Variants in VWA3A observed in about 807,000 individuals in gnomAD.
VWA3A encodes the protein von Willebrand factor A domain containing 3A.
VWA3A carries 134 observed loss-of-function variants against 160.4 expected under a neutral mutation model. The ratio of observed to expected loss-of-function variants is 0.84; its 90% CI spans 0.73 to 0.96. The LOEUF (loss-of-function observed/expected upper bound fraction) is 0.96. Ranked by LOEUF, VWA3A falls within the 40% of genes least tolerant of loss-of-function variation. The pLI, the probability that VWA3A is intolerant of heterozygous loss-of-function variation, is 0.00. For missense variants in VWA3A, 1,310 were observed against 1,447.9 expected, an observed-to-expected ratio of 0.90 and a Z score of 1.55; for synonymous variants, 476 against 543.4, an observed-to-expected ratio of 0.88 and a Z score of 1.72.
rs2045439016 is a variant in VWA3A, at chr16:22,103,508, G to T, written c.462G>T (p.Trp154Cys). The T allele has an allele frequency of 3.2e-6, 5 of 1,551,708 alleles. No homozygotes were observed. Among genetic ancestry groups the T allele is most frequent in the Non-Finnish European group, 3.5e-6 (4 of 1,146,998 alleles). The change falls in exon 6 of 34, where the codon TGG becomes TGT. Residue 154 changes from tryptophan to cysteine, a missense_variant. Physicochemically the swap from Trp to Cys is radical, Grantham distance 215. Coordinates refer to ENST00000389398, the MANE Select transcript of VWA3A (RefSeq NM_173615.5). ...AAGTCTATCAAGAGAGAATTCAGTG[G>T]CTCACAGAAAACAGCAAGAAGGTAA... ...TIEVYQERIQ[W>C]LTENSKKAFG...
At chr16:22,129,041 A>G (rs563817966) in intron 17 of VWA3A, among the ~76,000 whole-genome samples, 2 of 152,228 alleles carry the variant, frequency 1.3e-5, no homozygotes, top group African/African-American at 4.8e-5. Context: ...GAGTTTACCT[A>G]TATAACAAAC....
intron 1 of VWA3A, among the ~76,000 whole-genome samples, chr16:22,093,885 C>T (rs1901431940): frequency 6.6e-6 from 1 of 152,104 alleles, no homozygotes; most frequent in South Asian, 2.1e-4. Flanking sequence ...CCACCCCATC[C>T]TCCCTAGTAG....
intron 3 of VWA3A, 32 bp from the exon 4 acceptor site, chr16:22,100,162 T>A (rs1273506578): frequency 3.9e-6 from 6 of 1,519,144 alleles, no homozygotes; most frequent in Non-Finnish European, 5.3e-6. Flanking sequence ...CTCTTTCCAC[T>A]TCACGGTTTG....
Position 22,148,173 on chromosome 16 carries a change from C to G in VWA3A, c.2851C>G (p.Leu951Val). Reference protein sequence around the residue: ...LQWLLSGSRRLFGTVLESKVC... With the variant: ...LQWLLSGSRRVFGTVLESKVC... ...CTGTCTCGGAGCAGGGAGCCGCCGACTGTTTGGCACCGTTTTGGAGAGCAA... is the reference window on the plus strand; with the variant it reads ...CTGTCTCGGAGCAGGGAGCCGCCGAGTGTTTGGCACCGTTTTGGAGAGCAA... The change falls in exon 28 of 34, where the codon CTG (leucine) becomes GTG (valine). Residue 951 changes from leucine to valine, a missense_variant. Leu to Val is a conservative substitution (Grantham distance 32). Coordinates refer to ENST00000389398, the MANE Select transcript of VWA3A (RefSeq NM_173615.5). 6.2e-7 allele frequency: 1 copy of G among 1,601,772 alleles called. No individual in the cohort carries two copies. The highest frequency in any genetic ancestry group is 8.5e-7 in the Non-Finnish European group (1 of 1,174,364).
rs1567203063 is a variant in VWA3A at position 22,115,925 on chromosome 16, A to AAGGAAGGAAGGAAGGAAG, written c.815+453_815+454insAGGAAGGAAGGAAGGAAG. Among the ~76,000 whole-genome samples, 63 of 18,454 alleles carry AAGGAAGGAAGGAAGGAAG rather than the reference A, an allele frequency of 3.4e-3. 2 individuals carry two copies. Among genetic ancestry groups the AAGGAAGGAAGGAAGGAAG allele is most frequent in the South Asian group, 0.018 (3 of 170 alleles). 12.1% of individuals were successfully genotyped at this position (18,454 alleles called of 152,430 possible). ...AGGAAGGAAGGAAGGAAGGAAGGAA[A>AAGGAAGGAAGGAAGGAAG]GGAAAGGAAAGGAAGGGAGGAGGGG... On this transcript the variant is annotated intron_variant, in intron 9 of 33. Transcript: ENST00000389398.
chr16:22,123,653 T>C lies in VWA3A; in HGVS notation c.1478T>C (p.Ile493Thr). ...GCTATGCGGATGTATGAGAGGCGGATTGAGTGGCTCTCCCTGGCCAGCAGA... is the reference window on the plus strand; with the variant it reads ...GCTATGCGGATGTATGAGAGGCGGACTGAGTGGCTCTCCCTGGCCAGCAGA... ...SRAMRMYERRIEWLSLASRRI... is the reference protein window; with the variant it reads ...SRAMRMYERRTEWLSLASRRI... The change falls in exon 16 of 34, where the codon ATT (isoleucine) becomes ACT (threonine). Residue 493 changes from isoleucine (I) to threonine (T), a missense_variant. Physicochemically the swap from Ile to Thr is moderately conservative, Grantham distance 89 (BLOSUM62 -1). Coordinates refer to ENST00000389398, the MANE Select transcript of VWA3A (RefSeq NM_173615.5). 6.2e-7 allele frequency: 1 copy of C among 1,613,958 alleles called. No homozygotes were observed. The highest frequency in any genetic ancestry group is 8.5e-7 in the Non-Finnish European group (1 of 1,179,868).
In VWA3A at chr16:22,150,711, A is replaced by G. The variant is rs374410136; in HGVS notation, c.3146A>G (p.His1049Arg). The G allele has an allele frequency of 1.2e-5, 20 of 1,609,686 alleles. No homozygotes were observed. The African/African-American group carries it at 2.4e-4, about 19-fold the overall frequency. The change falls in exon 30 of 34, where the codon CAT becomes CGT. Residue 1049 changes from histidine to arginine, a missense_variant. Coordinates refer to ENST00000389398, the MANE Select transcript of VWA3A (RefSeq NM_173615.5). Reference protein sequence around the residue: ...LQALLKAFSFHDLEGLYLLTD... With the variant: ...LQALLKAFSFRDLEGLYLLTD... ...TTCTTTCAGAAAGCTTTCAGTTTCC[A>G]TGATCTGGAAGGATTGTACCTCCTG...
intron 10 of VWA3A, 91 bp downstream of exon 10, chr16:22,116,958 G>A (rs1380237749): frequency 1.5e-5 from 22 of 1,430,898 alleles, no homozygotes; most frequent in East Asian, 1.4e-4. Context: ...ACAGGCCCCC[G>A]AGCTGTGGAC....
intron 1 of VWA3A, 125 bp from the exon 2 acceptor site, chr16:22,096,734 G>T (rs560983571): frequency 3.1e-6 from 2 of 646,948 alleles, no homozygotes; most frequent in South Asian, 1.9e-5. Context: ...AACTAAGTGA[G>T]ACCCTATCTC....
chr16:22,121,013 A>G lies in VWA3A; in HGVS notation c.1162A>G (p.Lys388Glu). Residue 388 changes from lysine (K) to glutamate (E), a missense_variant, in exon 13 of 34, where the codon AAA becomes GAA. Coordinates refer to ENST00000389398, the MANE Select transcript of VWA3A (RefSeq NM_173615.5). ...TGGGCCACTCATAAGCCTCTTGCCTAAACCCCCAAAGCATGACGCTCCTCT... is the reference window on the plus strand; with the variant it reads ...TGGGCCACTCATAAGCCTCTTGCCTGAACCCCCAAAGCATGACGCTCCTCT... Reference protein sequence around the residue: ...TNGPLISLLPKPPKHDAPLTI... With the variant: ...TNGPLISLLPEPPKHDAPLTI... 6.2e-7 allele frequency: 1 copy of G among 1,614,036 alleles called. No homozygotes were observed. Among genetic ancestry groups the G allele is most frequent in the Non-Finnish European group, 8.5e-7 (1 of 1,179,908 alleles).
chr16:22,118,013 G>T (rs1204716445), intron 11 of VWA3A, among the ~76,000 whole-genome samples: 1 of 152,220 alleles, frequency 6.6e-6, no homozygotes, highest in Non-Finnish European at 1.5e-5. Flanking sequence ...AGGCATGGTG[G>T]CTCATGCCTG....
At chr16:22,122,261 GTGGA>G (rs1188356482) in intron 14 of VWA3A, among the ~76,000 whole-genome samples, 33 of 145,450 alleles carry the variant, frequency 2.3e-4, no homozygotes, top group African/African-American at 6.2e-4. Context: ...GGATGGATGA[GTGGA>G]TGGATGGATG....
intron 18 of VWA3A, 55 bp downstream of exon 18, chr16:22,131,334 A>G: frequency 2.5e-6 from 4 of 1,589,272 alleles, no homozygotes; most frequent in East Asian, 2.2e-5. Context: ...GTTTGCAGGC[A>G]TTGTTTTCTC....
chr16:22,125,833 A>G (rs1185740706), intron 16 of VWA3A, among the ~76,000 whole-genome samples: 1 of 152,224 alleles, frequency 6.6e-6, no homozygotes, highest in Admixed American at 6.5e-5. Flanking sequence ...GGCAATATAC[A>G]TATATATTTT....
At chr16:22,110,804 A>T in intron 7 of VWA3A, 84 bp from the exon 8 acceptor site, 1 of 1,304,960 alleles carries the variant, frequency 7.7e-7, no homozygotes, top group Non-Finnish European at 1.1e-6. Context: ...CCCAGCCCAG[A>T]GGGGCCAGCA....
chr16:22,121,843 C>T (rs2045740509), intron 14 of VWA3A, among the ~76,000 whole-genome samples: 1 of 152,152 alleles, frequency 6.6e-6, no homozygotes, highest in Non-Finnish European at 1.5e-5. Context: ...CGGTCACCTC[C>T]TCCATGAAGG....
rs148345627 is a variant in VWA3A, at chr16:22,113,014, G to A, written c.689+2020G>A. On this transcript the variant is annotated intron_variant, in intron 8 of 33. Transcript: ENST00000389398. Reference sequence around the variant, plus strand: ...TGCCAGGTACTCAATGAACAAGAACGTTTTTTACTCTGATTTCCACTTTAG... The same window carrying A: ...TGCCAGGTACTCAATGAACAAGAACATTTTTTACTCTGATTTCCACTTTAG... 5.8e-3 allele frequency among the ~76,000 whole-genome samples: 877 copies of A among 152,262 alleles called. 9 individuals carry two copies. Among genetic ancestry groups the A allele is most frequent in the African/African-American group, 0.02 (818 of 41,546 alleles).
Position 22,132,892 on chromosome 16 carries a change from C to T in VWA3A, c.1873-8C>T, listed in dbSNP as rs762772620. The T allele has an allele frequency of 4.4e-6, 7 of 1,607,326 alleles. No homozygotes were observed. Among genetic ancestry groups the T allele is most frequent in the Admixed American group, 3.3e-5 (2 of 59,920 alleles). On this transcript the variant is annotated splice_polypyrimidine_tract_variant and splice_region_variant and intron_variant, in intron 19 of 33. Transcript: ENST00000389398. Reference sequence around the variant, plus strand: ...TGCTGGCCCCTCCTACCTTCTCTTCCCCACCAGCCTACACTCAGTGCCTAC... The same window carrying T: ...TGCTGGCCCCTCCTACCTTCTCTTCTCCACCAGCCTACACTCAGTGCCTAC...
At chr16:22,138,962 A>G (rs1227991582) in intron 22 of VWA3A, among the ~76,000 whole-genome samples, 1 of 151,910 alleles carries the variant, frequency 6.6e-6, no homozygotes, top group Admixed American at 6.6e-5. Flanking sequence ...ACAGCCTATC[A>G]ATTCTGTCCT....
Sources: gnomAD v4.1 joint callset for allele counts (sites outside exome capture counted in the v4.1 genomes callset) on GRCh38, gnomAD v4.1.1 for gene constraint, MANE v1.5 for transcripts, NCBI Gene and HGNC (gene_info 2026-07-23, HGNC 2026-07-21) for gene names.